Variants in SDK1 observed in about 807,000 individuals in gnomAD.
SDK1 encodes the protein sidekick cell adhesion molecule 1.
In SDK1, 157 loss-of-function variants were observed where a neutral mutation model predicts 245.5. That is an observed-to-expected ratio of 0.64 (90% confidence interval 0.56 to 0.73). SDK1 has a LOEUF of 0.73. Ranked by LOEUF, SDK1 falls within the 30% of genes least tolerant of loss-of-function variation. SDK1 has a pLI of 0.00. For missense variants in SDK1, 3,583 were observed against 3,002.3 expected (o/e 1.19, Z -4.52); for synonymous variants, 1,647 against 1,278.5 (o/e 1.29, Z -6.15).
chr7:3,566,100 C>G (rs796071575), intron 1 of SDK1, among the ~76,000 whole-genome samples: 25 of 151,948 alleles, frequency 1.6e-4, no homozygotes, highest in African/African-American at 5.8e-4. Context: ...CCAAGATTAT[C>G]TGAGTAAATA....
intron 1 of SDK1, among the ~76,000 whole-genome samples, chr7:3,553,029 G>C (rs767220017): frequency 6.6e-6 from 1 of 151,874 alleles, no homozygotes; most frequent in African/African-American, 2.4e-5. Flanking sequence ...AAAATACAGA[G>C]AAATAGTAAA....
rs575682004 is a variant in SDK1 at position 4,244,120 on chromosome 7, C to G, written c.6252-1556C>G. ...CCTGGGGGAGACAACACCCACGACA[C>G]AAAACCAGAGGTCTCCATCCCCTCC... On this transcript the variant is annotated intron_variant, in intron 43 of 44. Transcript: ENST00000404826. 1.1e-4 allele frequency among the ~76,000 whole-genome samples: 16 copies of G among 152,298 alleles called. No homozygotes were observed. The South Asian group carries it at 3.3e-3, about 32-fold the overall frequency.
intron 25 of SDK1, among the ~76,000 whole-genome samples, chr7:4,115,875 G>A (rs146087395): frequency 2.0e-4 from 30 of 152,362 alleles, no homozygotes; most frequent in Non-Finnish European, 3.8e-4. Context: ...GGAACTCAGA[G>A]TGACTTTGAT....
chr7:3,906,425 C>T (rs1000732520), intron 5 of SDK1, among the ~76,000 whole-genome samples: 5 of 151,770 alleles, frequency 3.3e-5, no homozygotes, highest in African/African-American at 9.7e-5. Flanking sequence ...ACAGAGAGCG[C>T]GCGAGTGCAG....
chr7:3,924,567 TC>T (rs1193823642), intron 5 of SDK1, among the ~76,000 whole-genome samples: 2 of 152,168 alleles, frequency 1.3e-5, no homozygotes, highest in Non-Finnish European at 2.9e-5. Context: ...TGTTTGGGTC[TC>T]GTACGTTATC....
chr7:3,805,377 C>T (rs1779215906), intron 4 of SDK1, among the ~76,000 whole-genome samples: 1 of 152,186 alleles, frequency 6.6e-6, no homozygotes, highest in East Asian at 1.9e-4. Context: ...TGTATTGATG[C>T]TCAAATTGCC....
intron 25 of SDK1, among the ~76,000 whole-genome samples, chr7:4,114,727 T>G (rs1193542928): frequency 7.9e-5 from 12 of 152,174 alleles, no homozygotes; most frequent in Admixed American, 7.9e-4. Context: ...TCACTCATAT[T>G]GTGGTCTAAG....
chr7:4,044,977 T>C (rs748537449), intron 17 of SDK1, among the ~76,000 whole-genome samples: 9 of 152,190 alleles, frequency 5.9e-5, no homozygotes, highest in Non-Finnish European at 1.0e-4. Flanking sequence ...TTTTTTCTTC[T>C]TATATCTTTG....
At chr7:4,180,734 C>T (rs896002554) in intron 35 of SDK1, among the ~76,000 whole-genome samples, 8 of 152,138 alleles carry the variant, frequency 5.3e-5, no homozygotes, top group African/African-American at 9.7e-5. Context: ...TGGTGGAAGG[C>T]GAAGGGGGAG....
At chr7:4,250,238 A>T (rs566244807) in intron 44 of SDK1, among the ~76,000 whole-genome samples, 1 of 152,332 alleles carries the variant, frequency 6.6e-6, no homozygotes, top group East Asian at 1.9e-4. Context: ...TGTGTGTTTC[A>T]TCAGTTCTCT....
chr7:4,010,483 G>A (rs926460933), intron 14 of SDK1, among the ~76,000 whole-genome samples: 2 of 152,200 alleles, frequency 1.3e-5, no homozygotes, highest in Non-Finnish European at 1.5e-5. Flanking sequence ...GGCCTGCCAC[G>A]CAGATGGGCT....
At chr7:3,558,630 G>A (rs563378032) in intron 1 of SDK1, among the ~76,000 whole-genome samples, 4 of 152,216 alleles carry the variant, frequency 2.6e-5, no homozygotes, top group Non-Finnish European at 5.9e-5. Flanking sequence ...GGGCAATGCA[G>A]ACACAGCTGT....
intron 1 of SDK1, among the ~76,000 whole-genome samples, chr7:3,351,470 A>C (rs1021749683): frequency 6.6e-6 from 1 of 152,120 alleles, no homozygotes; most frequent in Non-Finnish European, 1.5e-5. Flanking sequence ...AATTACAATA[A>C]ATGTAAATAG....
chr7:3,459,541 A>G (rs999935309), intron 1 of SDK1, among the ~76,000 whole-genome samples: 2 of 152,172 alleles, frequency 1.3e-5, no homozygotes, highest in Admixed American at 6.6e-5. Context: ...TTGAAGCATC[A>G]CTTTCCTGTT....
intron 1 of SDK1, among the ~76,000 whole-genome samples, chr7:3,347,580 A>G (rs1483196189): frequency 1.3e-5 from 2 of 152,118 alleles, no homozygotes; most frequent in Admixed American, 1.3e-4. Context: ...TTTCTGACCA[A>G]TTTTTAGGGC....
chr7:4,199,909 G>A (rs766880066), intron 35 of SDK1, among the ~76,000 whole-genome samples: 5 of 152,082 alleles, frequency 3.3e-5, no homozygotes, highest in Non-Finnish European at 5.9e-5. Flanking sequence ...TGACACACCT[G>A]CCAATAAAAA....
At chr7:3,657,043 G>A (rs374807557) in intron 4 of SDK1, among the ~76,000 whole-genome samples, 29 of 152,244 alleles carry the variant, frequency 1.9e-4, no homozygotes, top group Admixed American at 3.9e-4. Context: ...CACCGCGCCC[G>A]GCCTTGGTGG....
Position 3,642,013 on chromosome 7 carries a change from A to G in SDK1, c.621A>G (p.Ala207=). The G allele has an allele frequency of 1.2e-6, 2 of 1,614,078 alleles. No homozygotes were observed. Among genetic ancestry groups the G allele is most frequent in the Non-Finnish European group, 1.7e-6 (2 of 1,179,906 alleles). The part of the protein sequence containing the change: ...DQRKTVSQGR[A]AILNLLPITS... ...GGAAAACAGTTTCTCAAGGACGTGC[A>G]GCGATTCTAAACCTGCTGCCCATCA... The change falls in exon 4 of 45, where the codon GCA becomes GCG. Residue 207 remains alanine (A), a synonymous_variant. Transcript: ENST00000404826.
intron 5 of SDK1, among the ~76,000 whole-genome samples, chr7:3,942,616 T>C (rs1246699473): frequency 8.5e-5 from 13 of 152,220 alleles, no homozygotes; most frequent in Non-Finnish European, 1.5e-5. Flanking sequence ...CTCTTGTTTC[T>C]ACAAGTTTTA....
Sources: gnomAD v4.1 joint callset for allele counts (sites outside exome capture counted in the v4.1 genomes callset) on GRCh38, gnomAD v4.1.1 for gene constraint, MANE v1.5 for transcripts, NCBI Gene and HGNC (gene_info 2026-07-23, HGNC 2026-07-21) for gene names.